Variants in LIPA observed in about 807,000 individuals in gnomAD.
LIPA encodes lysosomal acid lipase/cholesteryl ester hydrolase.
A neutral mutation model predicts 40.6 loss-of-function variants in LIPA; 26 were observed. That is an observed-to-expected ratio of 0.64 (90% CI 0.47 to 0.89). The LOEUF (loss-of-function observed/expected upper bound fraction) is 0.89, where lower values mean the gene tolerates loss of function less well. LIPA is among the 40% of genes least tolerant of loss of function. The pLI is 0.00. For synonymous variants in LIPA, 188 were observed against 168.4 expected, an observed-to-expected ratio of 1.12 and a Z score of -0.90; for missense variants, 455 against 479.6, an observed-to-expected ratio of 0.95 and a Z score of 0.48.
intron 2 of LIPA, among the ~76,000 whole-genome samples, chr10:89,348,729 AACTT>A (rs1387021190): frequency 2.0e-5 from 3 of 152,174 alleles, no homozygotes; most frequent in Admixed American, 1.3e-4. Context: ...TCAGCTTGCA[AACTT>A]ACTTCTCAGG....
chr10:89,331,707 A>C (rs1278433886), intron 1 of LIPA, among the ~76,000 whole-genome samples: 4 of 151,882 alleles, frequency 2.6e-5, no homozygotes, highest in Non-Finnish European at 4.4e-5. Context: ...AAAAATACAA[A>C]AATCAGCCAG....
rs1844057479 is a variant in LIPA, at chr10:89,366,434, T to C, written c.61+46357A>G. Among the ~76,000 whole-genome samples, 3 of 152,350 alleles carry C rather than the reference T, an allele frequency of 2.0e-5. No individual in the cohort carries two copies. In the South Asian group the frequency reaches 6.2e-4, roughly 32 times the overall value. ...TTCCTCTTTTCCTAATTGAATATCC[T>C]TTATTTCTTTCTCCTGCCTGATTGC... On this transcript the variant is annotated intron_variant, in intron 2 of 8. Transcript: ENST00000371837.
At chr10:89,222,705 G>A (rs1842716274) in intron 7 of LIPA, 123 bp from the exon 8 acceptor site, 2 of 721,994 alleles carry the variant, frequency 2.8e-6, no homozygotes, top group Non-Finnish European at 2.5e-6. Flanking sequence ...TATGTGAGAT[G>A]AGAGGTAGAA....
At chr10:89,413,657 C>G (rs137970757) in intron 1 of LIPA, among the ~76,000 whole-genome samples, 1 of 151,934 alleles carries the variant, frequency 6.6e-6, no homozygotes, top group East Asian at 1.9e-4. Context: ...GTCCCAGCCA[C>G]TCAGGAGGCT....
chr10:89,396,945 G>A (rs1589635101), intron 2 of LIPA, among the ~76,000 whole-genome samples: 1 of 152,092 alleles, frequency 6.6e-6, no homozygotes, highest in African/African-American at 2.4e-5. Context: ...TTGTTGATGA[G>A]CTGTAAATAT....
chr10:89,332,689 T>C lies in LIPA; in HGVS notation c.-2+9922A>G, dbSNP rs893801260. ...TTCTTATGTACAACTTCCTGACTTATGCTATTTCAGTGTTTGCTTAGAGAT... is the reference window on the plus strand; with the variant it reads ...TTCTTATGTACAACTTCCTGACTTACGCTATTTCAGTGTTTGCTTAGAGAT... On this transcript the variant is annotated intron_variant, in intron 1 of 5. Transcript: ENST00000282673. 134 of 1,525,586 alleles carry C rather than the reference T, an allele frequency of 8.8e-5. No homozygotes were observed. In the South Asian group the frequency reaches 9.5e-4, roughly 11 times the overall value. 94.5% of individuals were successfully genotyped at this position (1,525,586 alleles called of 1,614,324 possible). A position where few individuals can be genotyped will look rare whatever the true frequency, so the allele number is the denominator to read the frequency against.
intron 1 of LIPA, chr10:89,306,691 T>G: frequency 6.2e-7 from 1 of 1,614,050 alleles, no homozygotes; most frequent in South Asian, 1.1e-5. Flanking sequence ...AAGCCCCAGG[T>G]GTAACAGATG....
chr10:89,236,628 A>G (rs997760601), intron 3 of LIPA, among the ~76,000 whole-genome samples: 1 of 152,214 alleles, frequency 6.6e-6, no homozygotes, highest in East Asian at 1.9e-4. Context: ...TCTTCATTTC[A>G]AGATAAATGA....
intron 2 of LIPA, among the ~76,000 whole-genome samples, chr10:89,373,266 C>G (rs1175525818): frequency 7.1e-6 from 1 of 140,272 alleles, no homozygotes; most frequent in Non-Finnish European, 1.5e-5. Context: ...ACCCGGGAGG[C>G]AGAGCTTACA....
At chr10:89,327,860 A>G (rs184465674) in intron 1 of LIPA, 16 of 536,536 alleles carry the variant, frequency 3.0e-5, no homozygotes, top group African/African-American at 2.5e-4. Flanking sequence ...CCTCCTCCCA[A>G]CGATTTTAAA....
chr10:89,370,012 G>T (rs1844082656), intron 2 of LIPA, among the ~76,000 whole-genome samples: 1 of 152,260 alleles, frequency 6.6e-6, no homozygotes, highest in African/African-American at 2.4e-5. Flanking sequence ...TCAGGTGTGT[G>T]GGGGAACCCC....
At chr10:89,345,168 A>T (rs112470457), upstream of LIPA, among the ~76,000 whole-genome samples, 40 of 126,956 alleles carry the variant, frequency 3.2e-4, no homozygotes, top group African/African-American at 1.5e-3. Flanking sequence ...CTGTCTCAAT[A>T]AAAAAAAAAA....
At chr10:89,319,027 C>A (rs1366578599) in intron 1 of LIPA, among the ~76,000 whole-genome samples, 1 of 152,136 alleles carries the variant, frequency 6.6e-6, no homozygotes, top group African/African-American at 2.4e-5. Flanking sequence ...AGAACAAAGA[C>A]ACAACACACC....
At chr10:89,222,956 G>T (rs1842719144) in intron 7 of LIPA, among the ~76,000 whole-genome samples, 1 of 151,992 alleles carries the variant, frequency 6.6e-6, no homozygotes, top group Non-Finnish European at 1.5e-5. Flanking sequence ...TTTATTCCAG[G>T]ATTTTAACCC....
intron 1 of LIPA, among the ~76,000 whole-genome samples, chr10:89,293,395 G>A (rs1317309772): frequency 6.6e-6 from 1 of 151,980 alleles, no homozygotes; most frequent in Non-Finnish European, 1.5e-5. Context: ...GCCAGATCCC[G>A]GCCCCCTTTT....
intron 1 of LIPA, among the ~76,000 whole-genome samples, chr10:89,333,513 G>T (rs754375088): frequency 2.0e-5 from 3 of 152,056 alleles, no homozygotes; most frequent in Non-Finnish European, 4.4e-5. Context: ...AGGCAGGAGG[G>T]GGGAGGGGTG....
intron 1 of LIPA, among the ~76,000 whole-genome samples, chr10:89,262,895 C>CT (rs1403077636): frequency 6.6e-6 from 1 of 152,222 alleles, no homozygotes; most frequent in African/African-American, 2.4e-5. Context: ...TTGACAATCA[C>CT]TTTTTGTGAA....
chr10:89,341,137 T>C (rs564372291), intron 1 of LIPA, among the ~76,000 whole-genome samples: 2 of 152,326 alleles, frequency 1.3e-5, no homozygotes, highest in African/African-American at 4.8e-5. Context: ...GAAGGCAGCC[T>C]ATCCTTACAT....
chr10:89,236,891 A>G (rs770101683), intron 3 of LIPA, among the ~76,000 whole-genome samples: 15 of 152,078 alleles, frequency 9.9e-5, no homozygotes, highest in Non-Finnish European at 2.2e-4. Context: ...GACAACTTAA[A>G]GAAAAAAGAA....
Sources: gnomAD v4.1 joint callset for allele counts (sites outside exome capture counted in the v4.1 genomes callset) on GRCh38, gnomAD v4.1.1 for gene constraint, MANE v1.5 for transcripts, NCBI Gene and HGNC (gene_info 2026-07-23, HGNC 2026-07-21) for gene names.